Variants in CAMTA1 observed in about 807,000 individuals in gnomAD.
CAMTA1 encodes the protein calmodulin binding transcription activator 1.
CAMTA1 carries 27 observed loss-of-function variants against 170.9 expected under a neutral mutation model. That is an observed-to-expected ratio of 0.16 (90% confidence interval 0.12 to 0.22). The LOEUF is 0.22. Ranked by LOEUF, CAMTA1 falls within the 10% of genes least tolerant of loss-of-function variation. CAMTA1 has a pLI of 1.00. For synonymous variants in CAMTA1, 833 were observed against 891.5 expected (o/e 0.93, Z 1.17); for missense variants, 1,619 against 2,217.2 (o/e 0.73, Z 5.42).
chr1:7,049,888 G>C (rs973738321), intron 3 of CAMTA1, among the ~76,000 whole-genome samples: 2 of 152,228 alleles, frequency 1.3e-5, no homozygotes, highest in African/African-American at 4.8e-5. Context: ...GCAGCCCAGA[G>C]TCTCTGCCTT....
chr1:7,105,168 A>C (rs1643449922), intron 4 of CAMTA1, among the ~76,000 whole-genome samples: 1 of 152,256 alleles, frequency 6.6e-6, no homozygotes, highest in African/African-American at 2.4e-5. Context: ...TGAATTATTC[A>C]ATTTTCAGGT....
At chr1:7,668,613 C>T (rs938282650) in intron 9 of CAMTA1, among the ~76,000 whole-genome samples, 1 of 152,096 alleles carries the variant, frequency 6.6e-6, no homozygotes, top group African/African-American at 2.4e-5. Context: ...GCAGAAGAGC[C>T]TGCAATTACA....
chr1:7,071,185 G>A (rs1009966038), intron 3 of CAMTA1, among the ~76,000 whole-genome samples: 1 of 152,224 alleles, frequency 6.6e-6, no homozygotes, highest in Non-Finnish European at 1.5e-5. Context: ...GGATTGGGGA[G>A]GATTTGGACG....
rs61780919 is a variant in CAMTA1, at chr1:7,007,919, C to G, written c.235-83385C>G. ...AGAGCTTGTGAGACCCGGGAAACAGCGTTCCATACAATTGAGTGACAGAGC... is the reference window on the plus strand; with the variant it reads ...AGAGCTTGTGAGACCCGGGAAACAGGGTTCCATACAATTGAGTGACAGAGC... On this transcript the variant is annotated intron_variant, in intron 3 of 22. Coordinates refer to ENST00000303635, the MANE Select transcript of CAMTA1 (RefSeq NM_015215.4). This position sits in a 1 kb window ranked among gnomAD's most constrained non-coding sequence, Gnocchi z 4.5. 6.6e-6 allele frequency among the ~76,000 whole-genome samples: 1 copy of G among 152,152 alleles called. No individual in the cohort carries two copies. The highest frequency in any genetic ancestry group is 1.9e-4 in the East Asian group (1 of 5,184).
intron 3 of CAMTA1, among the ~76,000 whole-genome samples, chr1:6,978,993 C>CAA (rs1557917401): frequency 3.3e-5 from 5 of 152,186 alleles, no homozygotes; most frequent in Non-Finnish European, 7.3e-5. Context: ...GGGGAGCTCG[C>CAA]TCTCCCTTGC....
chr1:7,182,955 T>C (rs1012343050), intron 4 of CAMTA1, among the ~76,000 whole-genome samples: 18 of 152,194 alleles, frequency 1.2e-4, no homozygotes, highest in African/African-American at 4.1e-4. Flanking sequence ...CACACATTGC[T>C]GGGGGACTGC....
intron 5 of CAMTA1, among the ~76,000 whole-genome samples, chr1:7,285,717 C>T (rs1672255038): frequency 6.6e-6 from 1 of 152,156 alleles, no homozygotes; most frequent in Non-Finnish European, 1.5e-5. Context: ...TAGCCTATCT[C>T]TTTATTCTAA....
At chr1:7,253,474 G>C (rs1423737690) in intron 5 of CAMTA1, among the ~76,000 whole-genome samples, 1 of 152,166 alleles carries the variant, frequency 6.6e-6, no homozygotes, top group African/African-American at 2.4e-5. Flanking sequence ...AGGCAGCTCT[G>C]GGCTCTTGTC....
chr1:7,037,655 C>T lies in CAMTA1; in HGVS notation c.235-53649C>T, dbSNP rs370160458. 1.3e-4 allele frequency among the ~76,000 whole-genome samples: 20 copies of T among 152,120 alleles called. No homozygotes were observed. In the South Asian group the frequency reaches 1.5e-3, roughly 11 times the overall value. On this transcript the variant is annotated intron_variant, in intron 3 of 22. Coordinates refer to ENST00000303635, the MANE Select transcript of CAMTA1 (RefSeq NM_015215.4). ...GAGATCGAGACTATCCTGGCTAACA[C>T]GGTGAAACCCTGTCTCTACTAAAAA... is the stretch of plus-strand genomic sequence containing the variant.
intron 7 of CAMTA1, among the ~76,000 whole-genome samples, chr1:7,659,029 C>G (rs1028296584): frequency 1.3e-5 from 2 of 152,174 alleles, no homozygotes; most frequent in East Asian, 3.9e-4. Flanking sequence ...CCCTTAGTGA[C>G]CCACCAGAAT....
At chr1:7,132,019 C>T (rs1645287777) in intron 4 of CAMTA1, among the ~76,000 whole-genome samples, 1 of 151,332 alleles carries the variant, frequency 6.6e-6, no homozygotes, top group South Asian at 2.1e-4. Context: ...AACCACTGTA[C>T]TCCAGCCTGG....
At chr1:7,052,387 T>C (rs1164345898) in intron 3 of CAMTA1, among the ~76,000 whole-genome samples, 4 of 152,160 alleles carry the variant, frequency 2.6e-5, no homozygotes, top group African/African-American at 9.7e-5. Flanking sequence ...CTCTGTGGCT[T>C]CCTGCTTTAC....
chr1:7,558,137 G>T lies in CAMTA1; in HGVS notation c.511-82263G>T, dbSNP rs113951301. Among the ~76,000 whole-genome samples the T allele has an allele frequency of 8.9e-3, 1,359 of 152,236 alleles. 19 individuals carry two copies. Among genetic ancestry groups the T allele is most frequent in the African/African-American group, 0.031 (1,305 of 41,540 alleles). On this transcript the variant is annotated intron_variant, in intron 6 of 22. Coordinates refer to ENST00000303635, the MANE Select transcript of CAMTA1 (RefSeq NM_015215.4). ...AAATCCCCTCCAGGCCCCTCGCTCC[G>T]GCAGCCTCTTATCTCCTGCTTCCCA...
intron 5 of CAMTA1, among the ~76,000 whole-genome samples, chr1:7,290,120 G>A (rs1389099609): frequency 6.6e-6 from 1 of 152,208 alleles, no homozygotes; most frequent in Non-Finnish European, 1.5e-5. Flanking sequence ...AGGTGCATTG[G>A]AAAATACTGG....
At chr1:7,473,972 G>T (rs2093377026) in intron 6 of CAMTA1, among the ~76,000 whole-genome samples, 2 of 152,246 alleles carry the variant, frequency 1.3e-5, no homozygotes, top group South Asian at 2.1e-4. Flanking sequence ...GCATCCTGCA[G>T]GGTCCCTGAA....
intron 7 of CAMTA1, among the ~76,000 whole-genome samples, chr1:7,649,331 C>T (rs1314911808): frequency 1.3e-5 from 2 of 152,220 alleles, no homozygotes. Context: ...ATCTGCGGGG[C>T]CTGGGAGTCA....
In CAMTA1 at chr1:7,009,855, C is replaced by T. The variant is rs572246490; in HGVS notation, c.235-81449C>T. 3.9e-5 allele frequency among the ~76,000 whole-genome samples: 6 copies of T among 152,332 alleles called. No homozygotes were observed. In the South Asian group the frequency reaches 1.2e-3, roughly 32 times the overall value. ...GCCAGTGCTGAGCCCTCTGTCACTG[C>T]AGCATGGGGCTGCTTTCCCTGCGGT... On this transcript the variant is annotated intron_variant, in intron 3 of 22. Transcript: ENST00000303635.
At chr1:7,033,559 C>G (rs1486829127) in intron 3 of CAMTA1, among the ~76,000 whole-genome samples, 1 of 140,002 alleles carries the variant, frequency 7.1e-6, no homozygotes, top group Non-Finnish European at 1.6e-5. Context: ...ATATTGGGTA[C>G]TGTGTACATG....
chr1:6,938,185 G>T (rs549090051), intron 3 of CAMTA1, among the ~76,000 whole-genome samples: 1 of 152,334 alleles, frequency 6.6e-6, no homozygotes, highest in Admixed American at 6.5e-5. Context: ...CGTCAACTCT[G>T]TACTTTTGTC....
Sources: allele counts gnomAD v4.1 joint callset (sites outside exome capture counted in the v4.1 genomes callset), GRCh38; gene constraint gnomAD v4.1.1; non-coding constraint Gnocchi (gnomAD v3.1); transcripts MANE v1.5; gene names NCBI Gene and HGNC (gene_info 2026-07-23, HGNC 2026-07-21).